B3GAT1: variants seen among roughly 807,000 people sequenced by gnomAD.
The protein encoded by B3GAT1 is galactosylgalactosylxylosylprotein 3-beta-glucuronosyltransferase 1.
A neutral mutation model predicts 28.4 loss-of-function variants in B3GAT1; 11 were observed. That is an observed-to-expected ratio of 0.39 (90% CI 0.24 to 0.64). The LOEUF (loss-of-function observed/expected upper bound fraction) is 0.64. Ranked by LOEUF, B3GAT1 falls within the 30% of genes least tolerant of loss-of-function variation. B3GAT1 has a pLI of 0.50. For synonymous variants in B3GAT1, 255 were observed against 223.1 expected, an observed-to-expected ratio of 1.14 and a Z score of -1.27; for missense variants, 375 against 491.0, an observed-to-expected ratio of 0.76 and a Z score of 2.23.
intron 2 of B3GAT1, among the ~76,000 whole-genome samples, 193 bp downstream of exon 2, chr11:134,387,355 A>T (rs1366455977): frequency 6.6e-6 from 1 of 152,036 alleles, no homozygotes; most frequent in Non-Finnish European, 1.5e-5. Context: ...CATCCCAGGC[A>T]TCTTAAAACT....
At chr11:134,401,419 G>T (rs781636756) in intron 1 of B3GAT1, among the ~76,000 whole-genome samples, 1 of 152,198 alleles carries the variant, frequency 6.6e-6, no homozygotes, top group Non-Finnish European at 1.5e-5. Context: ...ATTAAATAAT[G>T]CTTTTTTTGC....
At chr11:134,384,986 C>T (rs943198660) in intron 2 of B3GAT1, 2 of 152,148 alleles carry the variant, frequency 1.3e-5, no homozygotes, top group African/African-American at 4.8e-5. Context: ...AGCTTACCGT[C>T]GGGTGGTAAA....
At chr11:134,384,522 C>A in intron 2 of B3GAT1, 1 of 355,034 alleles carries the variant, frequency 2.8e-6, no homozygotes, top group Non-Finnish European at 5.1e-6. Context: ...CGTCCCGACC[C>A]TCCCCTCCCT....
intron 1 of B3GAT1, among the ~76,000 whole-genome samples, chr11:134,401,842 G>A (rs1187793839): frequency 2.0e-5 from 3 of 152,138 alleles, no homozygotes; most frequent in Admixed American, 1.3e-4. Flanking sequence ...TGGCTCAGTG[G>A]CGACCAGCCT....
At chr11:134,383,491 C>G (rs563215851) in intron 3 of B3GAT1, among the ~76,000 whole-genome samples, 189 bp downstream of exon 3, 2 of 152,346 alleles carry the variant, frequency 1.3e-5, no homozygotes, top group Admixed American at 6.5e-5. Flanking sequence ...TGTCTTCCCC[C>G]TAACTTGTGG....
rs1481729455 is a variant in B3GAT1, at chr11:134,381,963, A to G, written c.980T>C (p.Phe327Ser). Residue 327 changes from phenylalanine (F) to serine (S), a missense_variant, in exon 5 of 6, where the codon TTC (phenylalanine) becomes TCC (serine). Phe to Ser is a radical substitution (Grantham distance 155, BLOSUM62 -2). Coordinates refer to ENST00000312527, the MANE Select transcript of B3GAT1 (RefSeq NM_054025.3). ...PVLVNEGKKGFTDPSVEI is the reference protein window; with the variant it reads ...PVLVNEGKKGSTDPSVEI Reference sequence around the variant, plus strand: ...TCAGATCTCCACCGAGGGGTCAGTGAAGCCCTTCTTGCCCTCATTCACCAG... The same window carrying G: ...TCAGATCTCCACCGAGGGGTCAGTGGAGCCCTTCTTGCCCTCATTCACCAG... 1 of 1,614,072 alleles carries G rather than the reference A, an allele frequency of 6.2e-7. No homozygotes were observed. Among genetic ancestry groups the G allele is most frequent in the Non-Finnish European group, 8.5e-7 (1 of 1,180,012 alleles).
chr11:134,396,797 C>T (rs987974225), intron 1 of B3GAT1, among the ~76,000 whole-genome samples: 1 of 152,132 alleles, frequency 6.6e-6, no homozygotes, highest in Admixed American at 6.5e-5. Context: ...CAGATGGAAG[C>T]CACGGACCTG....
chr11:134,383,561 C>T, intron 3 of B3GAT1, 119 bp downstream of exon 3: 1 of 1,344,770 alleles, frequency 7.4e-7, no homozygotes, highest in Non-Finnish European at 9.8e-7. Flanking sequence ...TGCCCCGCTC[C>T]CAGCCCGGCT....
At position 134,411,399 on chromosome 11, in the gene B3GAT1, G is replaced by A. The variant is rs1476639799; in HGVS notation, c.-282+408C>T. Among the ~76,000 whole-genome samples, 1 of 152,142 alleles carries A rather than the reference G, an allele frequency of 6.6e-6. No homozygotes were observed. ...CAGGAGCCAGAGAGCGATCCAGAGA[G>A]CGCTGTTGGGCAGCAGGGGTGGGGA... On this transcript the variant is annotated intron_variant, in intron 1 of 5. Coordinates refer to ENST00000312527, the MANE Select transcript of B3GAT1 (RefSeq NM_054025.3). The surrounding 1 kb of genome is among the most constrained non-coding windows in gnomAD (Gnocchi z 6.0).
intron 1 of B3GAT1, among the ~76,000 whole-genome samples, chr11:134,395,116 C>T (rs2136323469): frequency 6.6e-6 from 1 of 152,300 alleles, no homozygotes; most frequent in East Asian, 1.9e-4. Context: ...CATCCACTCA[C>T]CCCAGAGCCT....
chr11:134,401,193 AG>A (rs1454294716), intron 1 of B3GAT1, among the ~76,000 whole-genome samples: 3 of 152,224 alleles, frequency 2.0e-5, no homozygotes, highest in African/African-American at 7.2e-5. Context: ...AGGTTTTCAA[AG>A]AACTTAAAAC....
At chr11:134,407,334 G>A (rs929228490) in intron 1 of B3GAT1, among the ~76,000 whole-genome samples, 20 of 152,232 alleles carry the variant, frequency 1.3e-4, no homozygotes, top group South Asian at 4.1e-4. Context: ...CAGAGAGGAC[G>A]GGCAGAGCCA....
At position 134,382,913 on chromosome 11, in the gene B3GAT1, C is replaced by G. The variant is rs1404474990; in HGVS notation, c.715G>C (p.Val239Leu). ...APRVNGAGKV[V>L]GWKTVFDPHR... ...GGGTCAAACACCGTCTTCCAGCCGACCACCTTCCCTGCCCCGTTCACCCGT... is the reference window on the plus strand; with the variant it reads ...GGGTCAAACACCGTCTTCCAGCCGAGCACCTTCCCTGCCCCGTTCACCCGT... Residue 239 changes from valine to leucine, a missense_variant, in exon 4 of 6, where the codon GTC becomes CTC. By Grantham distance (32) the Val-to-Leu change is conservative. Coordinates refer to ENST00000312527, the MANE Select transcript of B3GAT1 (RefSeq NM_054025.3). The G allele has an allele frequency of 1.5e-5, 25 of 1,613,260 alleles. No homozygotes were observed. Among genetic ancestry groups the G allele is most frequent in the Non-Finnish European group, 2.1e-5 (25 of 1,179,652 alleles).
At chr11:134,384,211 A>G in intron 2 of B3GAT1, 23 bp from the exon 3 acceptor site, 1 of 1,519,818 alleles carries the variant, frequency 6.6e-7, no homozygotes. Flanking sequence ...GAGACCGGCG[A>G]TGTGGGAGGA....
chr11:134,402,006 C>T (rs367940575), intron 1 of B3GAT1, among the ~76,000 whole-genome samples: 2 of 138,030 alleles, frequency 1.4e-5, no homozygotes, highest in Non-Finnish European at 3.1e-5. Context: ...TGTCGGGAGG[C>T]GGGGCCCCTG....
At chr11:134,384,354 C>A in intron 2 of B3GAT1, 166 bp from the exon 3 acceptor site, 1 of 899,926 alleles carries the variant, frequency 1.1e-6, no homozygotes, top group East Asian at 2.7e-5. Flanking sequence ...TTGAAATCTG[C>A]AGCCCTGGAA....
intron 1 of B3GAT1, among the ~76,000 whole-genome samples, chr11:134,405,201 T>C (rs1383002896): frequency 2.0e-5 from 3 of 152,112 alleles, no homozygotes; most frequent in Non-Finnish European, 4.4e-5. Flanking sequence ...CCGGCACTCC[T>C]TGGGGGTCAG....
intron 1 of B3GAT1, among the ~76,000 whole-genome samples, chr11:134,408,232 T>A (rs959127676): frequency 1.2e-5 from 1 of 83,738 alleles, no homozygotes; most frequent in East Asian, 3.2e-4. Flanking sequence ...CCTGCACCTA[T>A]TCTAGTGGGG....
chr11:134,403,007 AGAG>A (rs1944651757), intron 1 of B3GAT1, among the ~76,000 whole-genome samples: 1 of 151,952 alleles, frequency 6.6e-6, no homozygotes, highest in Admixed American at 6.6e-5. Flanking sequence ...CCTACACAGC[AGAG>A]GAGGTGTGGG....
Sources: gnomAD v4.1 joint callset for allele counts (sites outside exome capture counted in the v4.1 genomes callset) on GRCh38, gnomAD v4.1.1 for gene constraint, Gnocchi (gnomAD v3.1) non-coding constraint, MANE v1.5 for transcripts, NCBI Gene and HGNC (gene_info 2026-07-23, HGNC 2026-07-21) for gene names.